The following SLC8A1 variants were observed in gnomAD, a reference collection of about 807,000 sequenced individuals.
The protein encoded by SLC8A1 is solute carrier family 8 member A1, also known as sodium/calcium exchanger 1.
SLC8A1 carries 18 observed loss-of-function variants against 68.3 expected under a neutral mutation model. The ratio of observed to expected loss-of-function variants is 0.26; its 90% CI spans 0.18 to 0.39. The LOEUF is 0.39. SLC8A1 is among the 10% of genes least tolerant of loss of function. The pLI, the probability that SLC8A1 is intolerant of heterozygous loss-of-function variation, is 1.00. For missense variants in SLC8A1, 985 were observed against 1,156.7 expected, an observed-to-expected ratio of 0.85 and a Z score of 2.15; for synonymous variants, 475 against 415.5, an observed-to-expected ratio of 1.14 and a Z score of -1.74.
intron 1 of SLC8A1, among the ~76,000 whole-genome samples, chr2:40,470,471 T>C (rs1387918540): frequency 1.3e-5 from 2 of 152,038 alleles, no homozygotes; most frequent in South Asian, 2.1e-4. Flanking sequence ...GACATTATTA[T>C]AACCATGGAA....
intron 2 of SLC8A1, among the ~76,000 whole-genome samples, chr2:40,365,497 G>A (rs1240379745): frequency 6.6e-6 from 1 of 151,980 alleles, no homozygotes; most frequent in Non-Finnish European, 1.5e-5. Context: ...TATACCTTCT[G>A]TACTCTTAGA....
intron 2 of SLC8A1, chr2:40,251,368 A>G (rs1161076653): frequency 6.6e-6 from 1 of 152,296 alleles, no homozygotes; most frequent in East Asian, 1.9e-4. Flanking sequence ...TAATGTGGAA[A>G]ATCTCTTCAT....
intron 2 of SLC8A1, among the ~76,000 whole-genome samples, chr2:40,222,748 C>T (rs775893585): frequency 6.6e-6 from 1 of 152,064 alleles, no homozygotes; most frequent in Non-Finnish European, 1.5e-5. Flanking sequence ...ATTTATGTGG[C>T]CAATAAACAT....
At chr2:40,105,732 G>A (rs2034154096) in exon 8 of SLC8A1, 1 of 149,932 alleles carries the variant, frequency 6.7e-6, no homozygotes, top group Admixed American at 6.7e-5. Context: ...AAAACAGGCT[G>A]GTTCACAGCT....
At chr2:40,386,946 A>G (rs1683753917) in intron 2 of SLC8A1, among the ~76,000 whole-genome samples, 1 of 151,374 alleles carries the variant, frequency 6.6e-6, no homozygotes. Context: ...CCCAAATATT[A>G]TCTTTAAACT....
At chr2:40,199,631 C>G (rs538555641) in intron 2 of SLC8A1, among the ~76,000 whole-genome samples, 1 of 151,846 alleles carries the variant, frequency 6.6e-6, no homozygotes, top group East Asian at 1.9e-4. Flanking sequence ...CGGAAGCAAG[C>G]AGAACAAGTT....
At chr2:40,212,595 C>T (rs763257690) in intron 2 of SLC8A1, among the ~76,000 whole-genome samples, 7 of 152,140 alleles carry the variant, frequency 4.6e-5, no homozygotes, top group African/African-American at 7.2e-5. Flanking sequence ...GATGCAATAT[C>T]TTGAAGGCAT....
intron 1 of SLC8A1, among the ~76,000 whole-genome samples, chr2:40,488,011 C>T (rs1705081464): frequency 1.3e-5 from 2 of 151,994 alleles, no homozygotes; most frequent in South Asian, 4.1e-4. Flanking sequence ...AAGTTTAAAG[C>T]CAGCTGACTG....
chr2:40,347,703 T>C (rs1429824415), intron 2 of SLC8A1, among the ~76,000 whole-genome samples: 2 of 152,184 alleles, frequency 1.3e-5, no homozygotes, highest in Non-Finnish European at 2.9e-5. Flanking sequence ...ACTAATGAAA[T>C]ACTTTCGAAA....
chr2:40,410,129 G>A (rs981562749), intron 2 of SLC8A1, among the ~76,000 whole-genome samples: 1 of 152,056 alleles, frequency 6.6e-6, no homozygotes, highest in Admixed American at 6.6e-5. Context: ...TGGGGCAAGG[G>A]ATAGAACACA....
Position 40,500,795 on chromosome 2 carries a change from C to CTTTTTTTTTTTTTTTTT in SLC8A1, c.-25+11537_-25+11553dup, listed in dbSNP as rs1191619172. Among the ~76,000 whole-genome samples the CTTTTTTTTTTTTTTTTT allele has an allele frequency of 2.4e-4, 9 of 37,262 alleles. 3 individuals carry two copies. Among genetic ancestry groups the CTTTTTTTTTTTTTTTTT allele is most frequent in the East Asian group, 2.0e-3 (2 of 986 alleles). 24.4% of individuals were successfully genotyped at this position (37,262 alleles called of 152,430 possible). On this transcript the variant is annotated intron_variant, in intron 1 of 7. Transcript: ENST00000402441. ...TATAAGGTAAGGTATTATCATCTGA[C>CTTTTTTTTTTTTTTTTT]TTTTTTTTTTTTTTTTTTTTTTTTT...
chr2:40,381,541 T>C lies in SLC8A1; in HGVS notation c.1808+46932A>G, dbSNP rs546501588. Among the ~76,000 whole-genome samples, 13 of 152,076 alleles carry C rather than the reference T, an allele frequency of 8.5e-5. No individual in the cohort carries two copies. The South Asian group carries it at 2.1e-3, about 24-fold the overall frequency. On this transcript the variant is annotated intron_variant, in intron 2 of 7. Transcript: ENST00000406785. ...CATCTCACAGAATTCAGGTCAAATGTCTTTTACCTGGCCCCATTCTTCCCA... is the reference window on the plus strand; with the variant it reads ...CATCTCACAGAATTCAGGTCAAATGCCTTTTACCTGGCCCCATTCTTCCCA...
chr2:40,461,587 T>C (rs1205701450), intron 1 of SLC8A1, among the ~76,000 whole-genome samples: 4 of 152,232 alleles, frequency 2.6e-5, no homozygotes, highest in Admixed American at 1.3e-4. Flanking sequence ...AAGCTAAGTC[T>C]GACAAAGGAT....
intron 2 of SLC8A1, among the ~76,000 whole-genome samples, chr2:40,423,545 G>A (rs967357580): frequency 2.0e-5 from 3 of 151,886 alleles, no homozygotes; most frequent in Non-Finnish European, 4.4e-5. Flanking sequence ...TCTATGTAAT[G>A]GCCTTGAATG....
upstream of SLC8A1, among the ~76,000 whole-genome samples, chr2:40,454,304 C>A (rs1412882449): frequency 6.6e-6 from 1 of 152,070 alleles, no homozygotes; most frequent in African/African-American, 2.4e-5. Context: ...TGTGAGTGGG[C>A]CATATTTCAC....
rs1229763382 is a variant in SLC8A1, at chr2:40,243,849, C to CAAGG, written c.1809-65995_1809-65994insCCTT. 4.6e-5 allele frequency among the ~76,000 whole-genome samples: 7 copies of CAAGG among 152,238 alleles called. No homozygotes were observed. The East Asian group carries it at 1.4e-3, about 29-fold the overall frequency. ...GAATTCCATGTGAATGCTCTAGTGC[C>CAAGG]TCCTTCCCTCTGATGAGTCTAAGTG... On this transcript the variant is annotated intron_variant, in intron 2 of 7. Coordinates refer to ENST00000406785, the Ensembl canonical transcript of SLC8A1.
At chr2:40,447,338 C>T (rs180678549) in intron 1 of SLC8A1, among the ~76,000 whole-genome samples, 97 of 152,150 alleles carry the variant, frequency 6.4e-4, no homozygotes, top group African/African-American at 2.2e-3. Flanking sequence ...ATTTGTATTA[C>T]CCTTGTTGCT....
intron 6 of SLC8A1, among the ~76,000 whole-genome samples, chr2:40,140,996 G>A (rs1398652595): frequency 6.6e-6 from 1 of 152,196 alleles, no homozygotes; most frequent in African/African-American, 2.4e-5. Flanking sequence ...TTAAAATGAG[G>A]ATATTGAATG....
intron 2 of SLC8A1, among the ~76,000 whole-genome samples, chr2:40,377,693 TACG>T (rs1257954871): frequency 6.6e-6 from 1 of 152,086 alleles, no homozygotes; most frequent in African/African-American, 2.4e-5. Flanking sequence ...AGTCTCTAGA[TACG>T]ACATCACCGA....
Sources: allele counts gnomAD v4.1 joint callset (sites outside exome capture counted in the v4.1 genomes callset), GRCh38; gene constraint gnomAD v4.1.1; transcripts MANE v1.5; gene names NCBI Gene and HGNC (gene_info 2026-07-23, HGNC 2026-07-21).